ADAMTS17: variants seen among roughly 807,000 people sequenced by gnomAD.
ADAMTS17 encodes A disintegrin and metalloproteinase with thrombospondin motifs 17.
In ADAMTS17, 113 loss-of-function variants were observed where a neutral mutation model predicts 141.5. The ratio of observed to expected loss-of-function variants is 0.80; its 90% CI spans 0.69 to 0.93. The LOEUF (loss-of-function observed/expected upper bound fraction) is 0.93, where lower values mean the gene tolerates loss of function less well. ADAMTS17 is among the 40% of genes least tolerant of loss of function. The pLI, the probability that ADAMTS17 is intolerant of heterozygous loss-of-function variation, is 0.00. For missense variants in ADAMTS17, 1,659 were observed against 1,517.9 expected (o/e 1.09, Z -1.54); for synonymous variants, 768 against 630.6 (o/e 1.22, Z -3.27).
intron 10 of ADAMTS17, among the ~76,000 whole-genome samples, chr15:100,144,690 C>G (rs917041479): frequency 6.6e-6 from 1 of 152,118 alleles, no homozygotes; most frequent in South Asian, 2.1e-4. Context: ...AGTATAATCT[C>G]TTTCCTATCC....
At chr15:100,172,082 C>G (rs1220570309) in intron 8 of ADAMTS17, among the ~76,000 whole-genome samples, 2 of 152,202 alleles carry the variant, frequency 1.3e-5, no homozygotes, top group Non-Finnish European at 2.9e-5. Flanking sequence ...TAACTTAACA[C>G]TAGGGAGACA....
At chr15:100,213,657 A>G (rs1014805553) in intron 7 of ADAMTS17, among the ~76,000 whole-genome samples, 14 of 152,246 alleles carry the variant, frequency 9.2e-5, no homozygotes, top group Non-Finnish European at 1.8e-4. Context: ...AAGACCTGAG[A>G]CGCAAAGCAA....
chr15:100,083,416 C>G (rs1265802232), intron 15 of ADAMTS17, among the ~76,000 whole-genome samples: 1 of 152,166 alleles, frequency 6.6e-6, no homozygotes, highest in East Asian at 1.9e-4. Context: ...CTGTTCCATC[C>G]ATAGAGGAAC....
intron 18 of ADAMTS17, among the ~76,000 whole-genome samples, chr15:100,000,175 G>A (rs1292275492): frequency 6.6e-6 from 1 of 152,190 alleles, no homozygotes; most frequent in African/African-American, 2.4e-5. Flanking sequence ...CCTGCAGGGT[G>A]GCCATGAGCC....
At chr15:100,189,569 C>G (rs2040843915) in intron 8 of ADAMTS17, among the ~76,000 whole-genome samples, 1 of 152,212 alleles carries the variant, frequency 6.6e-6, no homozygotes, top group Non-Finnish European at 1.5e-5. Context: ...GCACATGCCT[C>G]TGTATGGAAG....
chr15:100,249,265 G>A (rs966200785), intron 7 of ADAMTS17, among the ~76,000 whole-genome samples: 1 of 152,202 alleles, frequency 6.6e-6, no homozygotes. Context: ...AGAGATGCAA[G>A]CCTTGTGTTT....
intron 4 of ADAMTS17, among the ~76,000 whole-genome samples, chr15:100,277,751 G>A (rs910682615): frequency 2.6e-5 from 4 of 152,340 alleles, no homozygotes; most frequent in Admixed American, 2.0e-4. Flanking sequence ...TCTGAGAGCT[G>A]AGCACCATCA....
intron 20 of ADAMTS17, among the ~76,000 whole-genome samples, chr15:99,992,347 T>C (rs987884462): frequency 6.6e-6 from 1 of 152,094 alleles, no homozygotes; most frequent in African/African-American, 2.4e-5. Context: ...ACAAACACGG[T>C]CTATGCTTAC....
At chr15:100,249,074 C>T (rs923340610) in intron 7 of ADAMTS17, among the ~76,000 whole-genome samples, 3 of 152,204 alleles carry the variant, frequency 2.0e-5, no homozygotes, top group African/African-American at 4.8e-5. Flanking sequence ...GATGGGATTA[C>T]AGGCGTCAGC....
Position 100,130,399 on chromosome 15 carries a change from A to T in ADAMTS17, c.1721+1608T>A, listed in dbSNP as rs539058557. Among the ~76,000 whole-genome samples the T allele has an allele frequency of 3.3e-5, 5 of 152,270 alleles. No homozygotes were observed. In the East Asian group the frequency reaches 9.7e-4, roughly 29 times the overall value. On this transcript the variant is annotated intron_variant, in intron 12 of 21. Transcript: ENST00000268070. Reference sequence around the variant, plus strand: ...AAAAAAAGTCATTCCTAACAGACTAAACACCTATGTGCCCCGCACTCTGCT... The same window carrying T: ...AAAAAAAGTCATTCCTAACAGACTATACACCTATGTGCCCCGCACTCTGCT...
intron 3 of ADAMTS17, among the ~76,000 whole-genome samples, chr15:100,298,202 A>C (rs953904988): frequency 6.6e-6 from 1 of 152,310 alleles, no homozygotes; most frequent in South Asian, 2.1e-4. Flanking sequence ...AGTCAAGGGA[A>C]GATTTCCTTG....
chr15:100,011,341 GAA>G (rs1297866623), intron 18 of ADAMTS17, among the ~76,000 whole-genome samples: 1 of 141,206 alleles, frequency 7.1e-6, no homozygotes. Context: ...GGGAGGGAAG[GAA>G]AGGAGGAGGG....
At chr15:100,130,677 A>G (rs748741162) in intron 12 of ADAMTS17, among the ~76,000 whole-genome samples, 10 of 152,178 alleles carry the variant, frequency 6.6e-5, no homozygotes, top group African/African-American at 2.2e-4. Flanking sequence ...ATTTTTAAAC[A>G]TAAGAGGCAT....
intron 7 of ADAMTS17, among the ~76,000 whole-genome samples, chr15:100,250,045 C>G (rs1448833636): frequency 6.6e-6 from 1 of 152,142 alleles, no homozygotes; most frequent in Non-Finnish European, 1.5e-5. Context: ...AAAAATGCTT[C>G]TGGTGGCAAA....
intron 18 of ADAMTS17, among the ~76,000 whole-genome samples, chr15:100,038,435 A>G (rs568574557): frequency 1.3e-5 from 2 of 152,348 alleles, no homozygotes; most frequent in African/African-American, 2.4e-5. Flanking sequence ...AGATTGCACT[A>G]AATCTATAGA....
At chr15:100,273,049 A>G (rs963575530) in intron 4 of ADAMTS17, among the ~76,000 whole-genome samples, 2 of 152,168 alleles carry the variant, frequency 1.3e-5, no homozygotes, top group Admixed American at 1.3e-4. Flanking sequence ...AGCCCACTTG[A>G]TCATGATGTA....
rs1389555822 is a variant in ADAMTS17 at position 99,996,903 on chromosome 15, G to T, written c.2796+482C>A. On this transcript the variant is annotated intron_variant, in intron 19 of 21. Transcript: ENST00000268070. ...CCAACCTTCAAAGTTAAGACTTAAG[G>T]CTTAATCCACTTCTTTCCAAAACAT... 3.3e-5 allele frequency among the ~76,000 whole-genome samples: 5 copies of T among 152,230 alleles called. No individual in the cohort carries two copies. In the East Asian group the frequency reaches 9.6e-4, roughly 29 times the overall value.
intron 2 of ADAMTS17, among the ~76,000 whole-genome samples, chr15:100,333,642 C>T (rs2141966097): frequency 6.6e-6 from 1 of 152,326 alleles, no homozygotes; most frequent in Non-Finnish European, 1.5e-5. Flanking sequence ...CTGCCCACTG[C>T]CCTTGCTTCT....
intron 3 of ADAMTS17, among the ~76,000 whole-genome samples, chr15:100,302,771 T>A (rs1190197912): frequency 6.6e-6 from 1 of 152,196 alleles, no homozygotes; most frequent in East Asian, 1.9e-4. Context: ...ATCCTGGGTG[T>A]GTCTGTGAGA....
Sources: allele counts gnomAD v4.1 joint callset (sites outside exome capture counted in the v4.1 genomes callset), GRCh38; gene constraint gnomAD v4.1.1; transcripts MANE v1.5; gene names NCBI Gene and HGNC (gene_info 2026-07-23, HGNC 2026-07-21).